Variants in SLC3A2 observed in about 807,000 individuals in gnomAD.
SLC3A2 encodes the protein amino acid transporter heavy chain SLC3A2.
SLC3A2 carries 32 observed loss-of-function variants against 48.5 expected under a neutral mutation model. That is an observed-to-expected ratio of 0.66 (90% CI 0.50 to 0.89). The LOEUF (loss-of-function observed/expected upper bound fraction) is 0.89, where lower values mean the gene tolerates loss of function less well. SLC3A2 is among the 40% of genes least tolerant of loss of function. The pLI is 0.00. For missense variants in SLC3A2, 587 were observed against 680.7 expected, an observed-to-expected ratio of 0.86 and a Z score of 1.53; for synonymous variants, 277 against 288.8, an observed-to-expected ratio of 0.96 and a Z score of 0.41.
At chr11:62,862,455 G>A (rs2085410757) in intron 1 of SLC3A2, among the ~76,000 whole-genome samples, 1 of 150,932 alleles carries the variant, frequency 6.6e-6, no homozygotes, top group African/African-American at 2.4e-5. Flanking sequence ...TTTGAGACCA[G>A]CCTGGGCAAC....
At chr11:62,871,515 C>T in intron 1 of SLC3A2, 1 of 531,216 alleles carries the variant, frequency 1.9e-6, no homozygotes, top group Non-Finnish European at 3.3e-6. Context: ...GCTGGGATTA[C>T]AGGCGTGAGC....
chr11:62,885,524 G>A lies in SLC3A2; in HGVS notation c.1059G>A (p.Gln353=). Residue 353 remains glutamine (Q), a synonymous_variant, in exon 7 of 9, where the codon CAG becomes CAA. Coordinates refer to ENST00000338663, the MANE Select transcript of SLC3A2 (RefSeq NM_001013251.3). ...FLPAQLLRLY[Q]LMLFTLPGTP... is the part of the protein sequence containing the mutation. ...CGGCTCAACTTCTCCGACTCTACCA[G>A]CTGATGCTCTTCACCCTGCCAGGGA... 1 of 1,614,214 alleles carries A rather than the reference G, an allele frequency of 6.2e-7. No homozygotes were observed. Among genetic ancestry groups the A allele is most frequent in the South Asian group, 1.1e-5 (1 of 91,086 alleles).
At chr11:62,869,191 G>A (rs1452401774) in intron 1 of SLC3A2, among the ~76,000 whole-genome samples, 3 of 151,680 alleles carry the variant, frequency 2.0e-5, no homozygotes, top group Non-Finnish European at 2.9e-5. Flanking sequence ...GAGACACCAC[G>A]CCTGGCCTGA....
Position 62,869,786 on chromosome 11 carries a change from A to AT in SLC3A2, c.113-11219dup, listed in dbSNP as rs755881489. Among the ~76,000 whole-genome samples the AT allele has an allele frequency of 5.1e-3, 698 of 135,888 alleles. 4 individuals are homozygous for AT. Among genetic ancestry groups the AT allele is most frequent in the African/African-American group, 7.7e-3 (286 of 37,300 alleles). The allele number at this position is 135,888 out of a possible 152,430, so 89.1% of individuals were successfully genotyped here. A position where few individuals can be genotyped will look rare whatever the true frequency, so the allele number is the denominator to read the frequency against. ...TTCTTCATGATTTATTCTTTTGTGT[A>AT]TTTTTTTTTTTTTTGAGTTGGAGTC... On this transcript the variant is annotated intron_variant, in intron 1 of 9. Transcript: ENST00000377889.
At chr11:62,865,156 A>C (rs1354215765) in intron 1 of SLC3A2, among the ~76,000 whole-genome samples, 1 of 152,150 alleles carries the variant, frequency 6.6e-6, no homozygotes, top group Non-Finnish European at 1.5e-5. Flanking sequence ...AGTAAGTGAT[A>C]TGTTGACATT....
chr11:62,884,723 C>G, intron 5 of SLC3A2, 33 bp downstream of exon 5: 1 of 1,555,736 alleles, frequency 6.4e-7, no homozygotes, highest in African/African-American at 1.4e-5. Context: ...TGACTCAGCT[C>G]CAATGTGGGA....
At chr11:62,873,479 ACT>A (rs1397853729) in intron 1 of SLC3A2, among the ~76,000 whole-genome samples, 1 of 150,152 alleles carries the variant, frequency 6.7e-6, no homozygotes, top group Non-Finnish European at 1.5e-5. Context: ...ACAGTGCGAA[ACT>A]CTGTCTCAAA....
At chr11:62,859,772 A>T (rs1476867704) in intron 1 of SLC3A2, among the ~76,000 whole-genome samples, 2 of 151,832 alleles carry the variant, frequency 1.3e-5, no homozygotes, top group African/African-American at 4.9e-5. Flanking sequence ...AGTGACATAG[A>T]ATCTACTAGA....
At position 62,881,000 on chromosome 11, in the gene SLC3A2, C is replaced by T. The variant is rs2085626509; in HGVS notation, c.-24C>T. 1.3e-6 allele frequency: 2 copies of T among 1,539,872 alleles called. No individual in the cohort carries two copies. Among genetic ancestry groups the T allele is most frequent in the African/African-American group, 2.7e-5 (2 of 73,112 alleles). On this transcript the variant is annotated 5_prime_UTR_variant, in exon 1 of 9. Transcript: ENST00000338663. ...GCCACCATCTGACCGCAAGCTGCGTCGTGTCGCCGGTTCTGCAGGCACCAT... is the reference window on the plus strand; with the variant it reads ...GCCACCATCTGACCGCAAGCTGCGTTGTGTCGCCGGTTCTGCAGGCACCAT...
At chr11:62,870,603 C>T (rs185790134) in intron 1 of SLC3A2, 3 of 152,010 alleles carry the variant, frequency 2.0e-5, no homozygotes, top group African/African-American at 7.3e-5. Context: ...TTATCTCTGT[C>T]GTATATTGTT....
chr11:62,882,361 TTG>T, intron 2 of SLC3A2: 4 of 340,972 alleles, frequency 1.2e-5, no homozygotes, highest in East Asian at 1.2e-4. Context: ...GTAGGTTTTT[TTG>T]GGGGGGGGGA....
At chr11:62,860,026 C>T (rs1277684180) in intron 1 of SLC3A2, among the ~76,000 whole-genome samples, 1 of 152,210 alleles carries the variant, frequency 6.6e-6, no homozygotes, top group Non-Finnish European at 1.5e-5. Flanking sequence ...TGATCACTAT[C>T]TCTACCATCT....
chr11:62,884,877 G>A (rs1271012605), intron 5 of SLC3A2, among the ~76,000 whole-genome samples, 187 bp downstream of exon 5: 1 of 132,096 alleles, frequency 7.6e-6, no homozygotes, highest in Admixed American at 9.2e-5. Context: ...TTTTGCCCAG[G>A]CTGGGGTGCG....
chr11:62,874,916 T>C (rs1280898723), intron 1 of SLC3A2, among the ~76,000 whole-genome samples: 2 of 151,886 alleles, frequency 1.3e-5, no homozygotes, highest in East Asian at 3.9e-4. Flanking sequence ...GCACCCGCCA[T>C]CGTGTGCGAC....
intron 1 of SLC3A2, among the ~76,000 whole-genome samples, chr11:62,860,691 T>C (rs549564469): frequency 1.3e-5 from 2 of 152,288 alleles, no homozygotes; most frequent in South Asian, 4.1e-4. Context: ...CGGTCAGGTC[T>C]TTCCATTCCC....
rs1360263986 is a variant in SLC3A2, at chr11:62,888,209, G to A, written c.1218G>A (p.Met406Ile). The part of the protein sequence containing the change: ...PDIPGAVSAN[M>I]TVKGQSEDPG... ...TCCCAGGGGCTGTAAGTGCCAACATGACTGTGAAGGTAAGAGTTCTAGATG... is the reference window on the plus strand; with the variant it reads ...TCCCAGGGGCTGTAAGTGCCAACATAACTGTGAAGGTAAGAGTTCTAGATG... The change falls in exon 8 of 9, where the codon ATG (methionine) becomes ATA (isoleucine). Residue 406 changes from methionine (M) to isoleucine (I), a missense_variant. Physicochemically the swap from Met to Ile is conservative, Grantham distance 10. Transcript: ENST00000338663. 2.5e-6 allele frequency: 4 copies of A among 1,613,942 alleles called. 1 individual carries two copies. In the South Asian group the frequency reaches 3.3e-5, roughly 13 times the overall value.
At chr11:62,858,268 A>G (rs1474952282) in intron 1 of SLC3A2, among the ~76,000 whole-genome samples, 3 of 152,174 alleles carry the variant, frequency 2.0e-5, no homozygotes, top group Admixed American at 2.0e-4. Context: ...AAGTGAAATG[A>G]ACTGAGTTGG....
intron 8 of SLC3A2, 28 bp from the exon 9 acceptor site, chr11:62,888,303 G>A (rs763917115): frequency 8.7e-6 from 14 of 1,609,950 alleles, no homozygotes; most frequent in East Asian, 2.2e-5. Flanking sequence ...CCCCTCACAC[G>A]CTTCTGCTAT....
chr11:62,882,827 C>G (rs1358671663), intron 2 of SLC3A2, 81 bp from the exon 3 acceptor site: 1 of 1,162,374 alleles, frequency 8.6e-7, no homozygotes, highest in Non-Finnish European at 1.3e-6. Context: ...AGGAAACACT[C>G]AGTGACTTGC....
Sources: gnomAD v4.1 joint callset for allele counts (sites outside exome capture counted in the v4.1 genomes callset) on GRCh38, gnomAD v4.1.1 for gene constraint, MANE v1.5 for transcripts, NCBI Gene and HGNC (gene_info 2026-07-23, HGNC 2026-07-21) for gene names.